SGCZ: variants seen among roughly 807,000 people sequenced by gnomAD.
SGCZ encodes the protein zeta-sarcoglycan.
A neutral mutation model predicts 41.3 loss-of-function variants in SGCZ; 40 were observed. The ratio of observed to expected loss-of-function variants is 0.97; its 90% CI spans 0.75 to 1.26. The LOEUF is 1.26. Among genes scored for constraint, SGCZ ranks in the 50% most tolerant of loss-of-function variants. The pLI, the probability that SGCZ is intolerant of heterozygous loss-of-function variation, is 0.00. For missense variants in SGCZ, 552 were observed against 369.8 expected (o/e 1.49, Z -4.04); for synonymous variants, 206 against 137.5 (o/e 1.50, Z -3.49).
intron 1 of SGCZ, among the ~76,000 whole-genome samples, chr8:14,565,617 G>T (rs560360721): frequency 9.2e-5 from 14 of 152,020 alleles, no homozygotes; most frequent in Non-Finnish European, 1.9e-4. Context: ...AAACAAATTG[G>T]CCAGAAACGC....
At chr8:14,705,474 C>T (rs542798569) in intron 1 of SGCZ, among the ~76,000 whole-genome samples, 27 of 152,018 alleles carry the variant, frequency 1.8e-4, no homozygotes, top group Non-Finnish European at 3.7e-4. Flanking sequence ...AGGTAAAATG[C>T]CTGCCATATA....
intron 1 of SGCZ, among the ~76,000 whole-genome samples, chr8:15,195,823 G>C (rs1317589347): frequency 3.3e-5 from 5 of 150,912 alleles, no homozygotes; most frequent in Non-Finnish European, 5.9e-5. Flanking sequence ...TAGCAAATGA[G>C]ACTTAACACA....
At chr8:14,994,411 C>A (rs1182138866) in intron 1 of SGCZ, among the ~76,000 whole-genome samples, 1 of 152,108 alleles carries the variant, frequency 6.6e-6, no homozygotes, top group African/African-American at 2.4e-5. Flanking sequence ...CGGTGAAACC[C>A]TGTCTCTACT....
intron 1 of SGCZ, among the ~76,000 whole-genome samples, chr8:14,938,957 T>C (rs529848641): frequency 1.2e-4 from 18 of 152,252 alleles, no homozygotes; most frequent in African/African-American, 4.3e-4. Flanking sequence ...TATTTTCTGC[T>C]AAGCCCAAGA....
At chr8:14,497,650 C>T (rs957128419) in intron 2 of SGCZ, among the ~76,000 whole-genome samples, 4 of 151,634 alleles carry the variant, frequency 2.6e-5, no homozygotes, top group African/African-American at 9.7e-5. Context: ...TATGTGTGGC[C>T]CAAGATGACT....
At chr8:15,235,992 A>T (rs918583683) in intron 1 of SGCZ, among the ~76,000 whole-genome samples, 3 of 152,206 alleles carry the variant, frequency 2.0e-5, no homozygotes, top group Non-Finnish European at 4.4e-5. Flanking sequence ...GGAGTAGAGC[A>T]GAGAGATAAG....
At chr8:15,029,170 G>A (rs780298342) in intron 1 of SGCZ, among the ~76,000 whole-genome samples, 60 of 152,040 alleles carry the variant, frequency 3.9e-4, no homozygotes, top group Non-Finnish European at 6.5e-4. Flanking sequence ...CAAACAGCAA[G>A]CAATACAGCA....
chr8:14,616,245 T>C (rs1296289105), intron 1 of SGCZ, among the ~76,000 whole-genome samples: 1 of 149,624 alleles, frequency 6.7e-6, no homozygotes, highest in Non-Finnish European at 1.5e-5. Context: ...ATCGCATCAC[T>C]GCACTCCAAC....
intron 2 of SGCZ, among the ~76,000 whole-genome samples, chr8:14,393,178 T>C (rs73219735): frequency 6.6e-6 from 1 of 152,306 alleles, no homozygotes; most frequent in Non-Finnish European, 1.5e-5. Flanking sequence ...GATATTGATA[T>C]AAGAGTTAAG....
At chr8:14,838,661 T>C (rs1402481574) in intron 1 of SGCZ, among the ~76,000 whole-genome samples, 2 of 152,182 alleles carry the variant, frequency 1.3e-5, no homozygotes, top group Non-Finnish European at 2.9e-5. Context: ...TGCCTTCCTT[T>C]TCTGCTACCT....
chr8:14,842,279 T>C (rs1802947489), intron 1 of SGCZ, among the ~76,000 whole-genome samples: 2 of 149,560 alleles, frequency 1.3e-5, no homozygotes. Context: ...TGAAAGAAAA[T>C]TAATCAAAGT....
chr8:14,580,920 C>A (rs1287896642), intron 1 of SGCZ, among the ~76,000 whole-genome samples: 2 of 152,170 alleles, frequency 1.3e-5, no homozygotes, highest in Non-Finnish European at 2.9e-5. Flanking sequence ...GTATTCACAA[C>A]CCTTTCTCTC....
chr8:14,722,251 C>G (rs2250285), intron 1 of SGCZ, among the ~76,000 whole-genome samples: 1 of 151,856 alleles, frequency 6.6e-6, no homozygotes, highest in Non-Finnish European at 1.5e-5. Flanking sequence ...AATATTAAAT[C>G]TAGCATCTAT....
chr8:14,188,665 C>T (rs560745733), intron 4 of SGCZ, among the ~76,000 whole-genome samples: 2 of 152,020 alleles, frequency 1.3e-5, no homozygotes, highest in Non-Finnish European at 2.9e-5. Flanking sequence ...CTGCATTGTA[C>T]ATTTAAATGG....
chr8:14,863,792 C>A (rs1343249988), intron 1 of SGCZ, among the ~76,000 whole-genome samples: 2 of 152,064 alleles, frequency 1.3e-5, no homozygotes, highest in Non-Finnish European at 2.9e-5. Flanking sequence ...ATGAAATTAT[C>A]CACATCATGT....
At chr8:14,934,727 T>G (rs1211753235) in intron 1 of SGCZ, among the ~76,000 whole-genome samples, 2 of 151,708 alleles carry the variant, frequency 1.3e-5, no homozygotes, top group East Asian at 3.9e-4. Context: ...ATATAAATTT[T>G]TAAATTCAAG....
chr8:14,697,547 A>G (rs1203812772), intron 1 of SGCZ, among the ~76,000 whole-genome samples: 1 of 152,060 alleles, frequency 6.6e-6, no homozygotes, highest in Non-Finnish European at 1.5e-5. Flanking sequence ...TCTGCTGATT[A>G]TCGGTTCTTT....
At chr8:14,932,295 C>T (rs1448785826) in intron 1 of SGCZ, among the ~76,000 whole-genome samples, 2 of 151,838 alleles carry the variant, frequency 1.3e-5, no homozygotes, top group African/African-American at 4.8e-5. Context: ...TAAAACTTCT[C>T]GATTTCTTCA....
At chr8:15,091,353 C>A (rs940552525) in intron 1 of SGCZ, among the ~76,000 whole-genome samples, 1 of 152,156 alleles carries the variant, frequency 6.6e-6, no homozygotes, top group African/African-American at 2.4e-5. Context: ...TTCAATTAAA[C>A]CAAGACTTTT....
Sources: allele counts gnomAD v4.1 joint callset (sites outside exome capture counted in the v4.1 genomes callset), GRCh38; gene constraint gnomAD v4.1.1; transcripts MANE v1.5; gene names NCBI Gene and HGNC (gene_info 2026-07-23, HGNC 2026-07-21).